The following FBXO34 variants were observed in gnomAD, a reference collection of about 807,000 sequenced individuals.
FBXO34 encodes the protein F-box only protein 34.
In FBXO34, 12 loss-of-function variants were observed where a neutral mutation model predicts 24.5. That is an observed-to-expected ratio of 0.49 (90% CI 0.31 to 0.79). FBXO34 has a LOEUF of 0.79. Among genes scored for constraint, FBXO34 ranks in the 30% least tolerant of loss-of-function variants. The probability of loss-of-function intolerance (pLI) is 0.04; values close to 1 mark genes in which losing one functional copy is unlikely to be tolerated. For missense variants in FBXO34, 823 were observed against 857.7 expected (o/e 0.96, Z 0.51); for synonymous variants, 320 against 311.9 (o/e 1.03, Z -0.27).
the FBXO34 span, among the ~76,000 whole-genome samples, chr14:55,431,826 T>C: frequency 6.6e-6 from 1 of 152,226 alleles, no homozygotes; most frequent in Non-Finnish European, 1.5e-5. Context: ...CTCAGTTGTA[T>C]TAGCTGTATT....
chr14:55,423,507 C>T, the FBXO34 span, among the ~76,000 whole-genome samples: 4 of 152,206 alleles, frequency 2.6e-5, no homozygotes, highest in Admixed American at 1.3e-4. Context: ...TGGGACAATA[C>T]GTTTGATTCA....
the FBXO34 span, chr14:55,411,791 G>A: frequency 2.5e-6 from 4 of 1,600,624 alleles, no homozygotes; most frequent in Admixed American, 1.7e-5. Context: ...AGCCTCCAGC[G>A]CCCGGGCTCC....
At chr14:55,350,189 TA>T (rs1385904308) in intron 1 of FBXO34, among the ~76,000 whole-genome samples, 191 bp from the exon 2 acceptor site, 1 of 151,082 alleles carries the variant, frequency 6.6e-6, no homozygotes, top group African/African-American at 2.4e-5. Context: ...CTACACACCA[TA>T]TAAACTGGTA....
At chr14:55,392,624 G>C in the FBXO34 span, among the ~76,000 whole-genome samples, 1 of 149,704 alleles carries the variant, frequency 6.7e-6, no homozygotes, top group Non-Finnish European at 1.5e-5. Context: ...ACTCCAGCCT[G>C]GGTGATATAG....
At chr14:55,296,382 GTT>G (rs1285557004) in intron 1 of FBXO34, among the ~76,000 whole-genome samples, 8 of 95,784 alleles carry the variant, frequency 8.4e-5, no homozygotes, top group African/African-American at 1.1e-4. Context: ...CTGTTCTTGT[GTT>G]TTTTTTGTTT....
At chr14:55,432,581 T>C in the FBXO34 span, among the ~76,000 whole-genome samples, 51 of 152,322 alleles carry the variant, frequency 3.3e-4, no homozygotes, top group African/African-American at 1.2e-3. Context: ...CATAGCAATT[T>C]CTGCACTTCT....
intron 1 of FBXO34, chr14:55,282,439 A>G (rs1404548485): frequency 1.1e-5 from 3 of 264,652 alleles, no homozygotes; most frequent in African/African-American, 4.5e-5. Flanking sequence ...TGTTTTTTTC[A>G]TTGTAGACAG....
At chr14:55,279,455 C>T (rs1308934302) in intron 1 of FBXO34, among the ~76,000 whole-genome samples, 2 of 152,080 alleles carry the variant, frequency 1.3e-5, no homozygotes, top group South Asian at 2.1e-4. Context: ...TAATATAATA[C>T]TATTGTGGTG....
the FBXO34 span, among the ~76,000 whole-genome samples, chr14:55,405,621 T>C: frequency 1.3e-5 from 2 of 152,202 alleles, no homozygotes; most frequent in Non-Finnish European, 2.9e-5. Flanking sequence ...TTCTTTCCTG[T>C]TGTGAGTGGA....
the FBXO34 span, among the ~76,000 whole-genome samples, chr14:55,386,892 C>A: frequency 6.6e-6 from 1 of 152,122 alleles, no homozygotes; most frequent in African/African-American, 2.4e-5. Flanking sequence ...AACTTAAACC[C>A]AAGTTCAAAA....
At chr14:55,435,680 G>T in the FBXO34 span, among the ~76,000 whole-genome samples, 1 of 152,124 alleles carries the variant, frequency 6.6e-6, no homozygotes, top group South Asian at 2.1e-4. Flanking sequence ...TAAAGAATGA[G>T]ATTATTTTTT....
the FBXO34 span, chr14:55,386,212 C>A: frequency 1.2e-6 from 1 of 846,428 alleles, no homozygotes. Flanking sequence ...AAAGCAAAAC[C>A]TGAATAATAT....
chr14:55,298,190 C>G (rs1882205460), intron 1 of FBXO34, among the ~76,000 whole-genome samples: 1 of 148,934 alleles, frequency 6.7e-6, no homozygotes, highest in Admixed American at 6.7e-5. Flanking sequence ...TGTAAACTTT[C>G]TTAAAACACT....
intron 1 of FBXO34, among the ~76,000 whole-genome samples, chr14:55,284,930 T>TA (rs1370493225): frequency 6.7e-6 from 1 of 150,238 alleles, no homozygotes; most frequent in East Asian, 1.9e-4. Context: ...CCTTGGTTCT[T>TA]ACTGCAGTTG....
intron 1 of FBXO34, among the ~76,000 whole-genome samples, chr14:55,319,638 GGACCAACATTCTATATAGTGTGT>G (rs772016384): frequency 1.1e-4 from 16 of 152,150 alleles, no homozygotes; most frequent in Non-Finnish European, 2.2e-4. Context: ...TGTATGCACA[GGACCAACATTCTATATAGTGTGT>G]GAAAGGATTT....
At chr14:55,271,691 T>G (rs1881149582) in intron 1 of FBXO34, among the ~76,000 whole-genome samples, 154 bp downstream of exon 1, 1 of 149,712 alleles carries the variant, frequency 6.7e-6, no homozygotes. Flanking sequence ...CGCCCGCGGG[T>G]CCGGGGTAGG....
chr14:55,372,080 C>A (rs1366338634), downstream of FBXO34, among the ~76,000 whole-genome samples: 2 of 152,112 alleles, frequency 1.3e-5, no homozygotes, highest in Non-Finnish European at 2.9e-5. Flanking sequence ...CGATTCCTCT[C>A]CTAGCGCCAC....
chr14:55,338,920 AC>A (rs1883889899), intron 1 of FBXO34, among the ~76,000 whole-genome samples: 1 of 131,032 alleles, frequency 7.6e-6, no homozygotes, highest in Non-Finnish European at 1.7e-5. Context: ...ACAAAAAAAA[AC>A]AAAAAAAAAA....
intron 1 of FBXO34, among the ~76,000 whole-genome samples, chr14:55,297,502 C>T (rs1393129346): frequency 6.6e-6 from 1 of 152,138 alleles, no homozygotes; most frequent in Non-Finnish European, 1.5e-5. Flanking sequence ...TGTTAAATGC[C>T]TAGCATATAG....
Sources: allele counts gnomAD v4.1 joint callset (sites outside exome capture counted in the v4.1 genomes callset), GRCh38; gene constraint gnomAD v4.1.1; transcripts MANE v1.5; gene names NCBI Gene and HGNC (gene_info 2026-07-23, HGNC 2026-07-21).